Variants in SLC38A12 observed in about 807,000 individuals in gnomAD.
The protein encoded by SLC38A12 is solute carrier family 38 member 12.
the SLC38A12 span, among the ~76,000 whole-genome samples, chr17:74,795,983 T>C: frequency 6.6e-6 from 1 of 152,130 alleles, no homozygotes; most frequent in African/African-American, 2.4e-5. Context: ...TCCGAAACTT[T>C]CCATATTTTG....
the SLC38A12 span, among the ~76,000 whole-genome samples, chr17:74,835,241 A>C: frequency 6.6e-6 from 1 of 152,212 alleles, no homozygotes; most frequent in Non-Finnish European, 1.5e-5. Context: ...CCTCGGTGTC[A>C]GCAGCTCAGG....
chr17:74,831,512 G>A, the SLC38A12 span, among the ~76,000 whole-genome samples: 1 of 152,176 alleles, frequency 6.6e-6, no homozygotes, highest in Non-Finnish European at 1.5e-5. Flanking sequence ...TGAGCCTTCC[G>A]AGGCCCAGCA....
the SLC38A12 span, among the ~76,000 whole-genome samples, chr17:74,798,516 C>T: frequency 6.6e-6 from 1 of 152,228 alleles, no homozygotes; most frequent in Non-Finnish European, 1.5e-5. Flanking sequence ...TGCTTCCCGG[C>T]GCGGCTGATA....
the SLC38A12 span, among the ~76,000 whole-genome samples, chr17:74,815,375 T>C: frequency 6.6e-6 from 1 of 152,138 alleles, no homozygotes; most frequent in African/African-American, 2.4e-5. Context: ...AGGCAGAGGG[T>C]GGGACCCGGA....
At chr17:74,825,637 A>G in the SLC38A12 span, among the ~76,000 whole-genome samples, 2 of 152,168 alleles carry the variant, frequency 1.3e-5, no homozygotes, top group African/African-American at 4.8e-5. Flanking sequence ...TACGGCCGAG[A>G]TGGGCAGATC....
chr17:74,818,450 A>C, the SLC38A12 span, among the ~76,000 whole-genome samples: 2 of 149,142 alleles, frequency 1.3e-5, no homozygotes, highest in African/African-American at 2.4e-5. Context: ...ACTCATCCTT[A>C]CAGTGATAAT....
chr17:74,809,402 G>T, the SLC38A12 span, among the ~76,000 whole-genome samples: 1 of 152,128 alleles, frequency 6.6e-6, no homozygotes, highest in Non-Finnish European at 1.5e-5. Flanking sequence ...GCCTCCCCCA[G>T]GCTCCTCAGG....
At chr17:74,803,300 G>A in the SLC38A12 span, among the ~76,000 whole-genome samples, 1 of 152,216 alleles carries the variant, frequency 6.6e-6, no homozygotes, top group Non-Finnish European at 1.5e-5. Flanking sequence ...TGTTGCTGGA[G>A]AAACAGGCAG....
the SLC38A12 span, among the ~76,000 whole-genome samples, chr17:74,835,431 C>T: frequency 6.6e-6 from 1 of 152,284 alleles, no homozygotes; most frequent in East Asian, 1.9e-4. Context: ...ACACCTCCTC[C>T]CAAACACTCC....
chr17:74,829,841 C>T, the SLC38A12 span, among the ~76,000 whole-genome samples: 1 of 152,170 alleles, frequency 6.6e-6, no homozygotes, highest in East Asian at 1.9e-4. The surrounding 1 kb of genome is among the most constrained non-coding windows in gnomAD (Gnocchi z 4.1). Context: ...TCTCCAGCCC[C>T]ACACAGACCC....
chr17:74,836,253 G>T, the SLC38A12 span: 1 of 1,611,526 alleles, frequency 6.2e-7, no homozygotes, highest in South Asian at 1.1e-5. This position sits in a 1 kb window ranked among gnomAD's most constrained non-coding sequence, Gnocchi z 4.2. Flanking sequence ...CCTGGCCGCT[G>T]TGCGCTTTTT....
chr17:74,779,481 A>C, the SLC38A12 span, among the ~76,000 whole-genome samples: 3 of 152,098 alleles, frequency 2.0e-5, no homozygotes, highest in Admixed American at 2.0e-4. Context: ...ATCAAACAGG[A>C]GGTGTAGTGG....
At chr17:74,824,222 C>T in the SLC38A12 span, among the ~76,000 whole-genome samples, 3 of 152,204 alleles carry the variant, frequency 2.0e-5, no homozygotes, top group Non-Finnish European at 4.4e-5. Context: ...CTCTCTGCTC[C>T]GCCGCCCCCA....
the SLC38A12 span, chr17:74,795,439 A>G: frequency 8.5e-7 from 1 of 1,180,660 alleles, no homozygotes; most frequent in Non-Finnish European, 1.2e-6. Context: ...GCGCTCAGGC[A>G]GCTGTGCAGG....
chr17:74,838,010 C>G, the SLC38A12 span: 2 of 985,892 alleles, frequency 2.0e-6, no homozygotes, highest in Non-Finnish European at 2.4e-6. Context: ...CCCTGTATCT[C>G]AGCGTCTTCA....
the SLC38A12 span, chr17:74,777,338 G>A: frequency 6.2e-7 from 1 of 1,614,246 alleles, no homozygotes; most frequent in African/African-American, 1.3e-5. Context: ...GAAATGGCGG[G>A]TGAAATTACA....
the SLC38A12 span, chr17:74,777,449 G>C: frequency 6.2e-7 from 1 of 1,605,700 alleles, no homozygotes; most frequent in Non-Finnish European, 8.5e-7. Context: ...GCTTGCTGGA[G>C]ATGGGACTAG....
chr17:74,799,172 C>T, the SLC38A12 span, among the ~76,000 whole-genome samples: 1 of 152,358 alleles, frequency 6.6e-6, no homozygotes, highest in African/African-American at 2.4e-5. Flanking sequence ...TCAGAGGGGA[C>T]AGTGGGGACT....
the SLC38A12 span, chr17:74,839,395 C>A: frequency 2.5e-6 from 1 of 393,712 alleles, no homozygotes; most frequent in South Asian, 3.8e-5. Context: ...CAGTGCCAGG[C>A]CTGGGGGAAG....
Sources: allele counts gnomAD v4.1 joint callset (sites outside exome capture counted in the v4.1 genomes callset), GRCh38; gene constraint gnomAD v4.1.1; non-coding constraint Gnocchi (gnomAD v3.1); transcripts MANE v1.5; gene names NCBI Gene and HGNC (gene_info 2026-07-23, HGNC 2026-07-21).